The following CCDC148 variants were observed in gnomAD, a reference collection of about 807,000 sequenced individuals.
CCDC148 encodes the protein coiled-coil domain-containing protein 148.
Under a neutral mutation model 85.7 loss-of-function variants are expected in CCDC148, and 89 were observed. The observed-to-expected ratio is 1.04, with a 90% CI of 0.87 to 1.24. The LOEUF (loss-of-function observed/expected upper bound fraction) is 1.24. Ranked by LOEUF, CCDC148 falls within the 50% of genes most tolerant of loss-of-function variation. CCDC148 has a pLI of 0.00. For synonymous variants in CCDC148, 230 were observed against 213.9 expected, an observed-to-expected ratio of 1.08 and a Z score of -0.66; for missense variants, 692 against 671.7, an observed-to-expected ratio of 1.03 and a Z score of -0.33.
intron 11 of CCDC148, among the ~76,000 whole-genome samples, chr2:158,210,806 A>AAT (rs1686529051): frequency 6.7e-6 from 1 of 150,170 alleles, no homozygotes; most frequent in African/African-American, 2.4e-5. Flanking sequence ...AAAAAAAAAA[A>AAT]AAATTAGCCG....
In CCDC148 at chr2:158,366,111, T is replaced by C. The variant is rs377254350; in HGVS notation, c.26-7541A>G. On this transcript the variant is annotated intron_variant, in intron 1 of 13. Coordinates refer to ENST00000283233, the MANE Select transcript of CCDC148 (RefSeq NM_138803.4). Reference sequence around the variant, plus strand: ...AAACGAGAGAACTAAAATTTCATAATATTATTTTATAAATGTTTTTAAAGC... The same window carrying C: ...AAACGAGAGAACTAAAATTTCATAACATTATTTTATAAATGTTTTTAAAGC... 1.5e-5 allele frequency: 21 copies of C among 1,358,864 alleles called. 1 individual carries two copies. In the South Asian group the frequency reaches 2.5e-4, roughly 16 times the overall value. 84.2% of individuals were successfully genotyped at this position (1,358,864 alleles called of 1,614,324 possible). A position where few individuals can be genotyped will look rare whatever the true frequency, so the allele number is the denominator to read the frequency against.
At chr2:158,210,724 A>C (rs1460333069) in intron 11 of CCDC148, among the ~76,000 whole-genome samples, 1 of 149,434 alleles carries the variant, frequency 6.7e-6, no homozygotes, top group Non-Finnish European at 1.5e-5. Flanking sequence ...CAGGCAGATC[A>C]CGAGGTCAGG....
intron 1 of CCDC148, among the ~76,000 whole-genome samples, chr2:158,418,155 C>A (rs1686592548): frequency 6.6e-6 from 1 of 151,754 alleles, no homozygotes; most frequent in South Asian, 2.1e-4. Context: ...AAAGCCTGAG[C>A]TCAAATCCTA....
intron 11 of CCDC148, among the ~76,000 whole-genome samples, chr2:158,196,843 G>A (rs1222156497): frequency 6.6e-6 from 1 of 152,000 alleles, no homozygotes; most frequent in Non-Finnish European, 1.5e-5. Flanking sequence ...GTTCATATCT[G>A]TATGTACTAG....
intron 11 of CCDC148, among the ~76,000 whole-genome samples, chr2:158,181,203 A>T (rs368596632): frequency 3.9e-5 from 6 of 152,190 alleles, no homozygotes; most frequent in African/African-American, 1.4e-4. Flanking sequence ...TGTCTGCAAC[A>T]AAGTTTTTGT....
At chr2:158,362,947 A>C (rs1684027829) in intron 1 of CCDC148, among the ~76,000 whole-genome samples, 1 of 152,206 alleles carries the variant, frequency 6.6e-6, no homozygotes, top group Admixed American at 6.5e-5. Context: ...AAAAGAGAGA[A>C]GAATCAAATA....
intron 10 of CCDC148, among the ~76,000 whole-genome samples, chr2:158,248,413 A>T (rs539882167): frequency 6.6e-6 from 1 of 152,332 alleles, no homozygotes; most frequent in African/African-American, 2.4e-5. Context: ...CTATTTTAAA[A>T]AAATATTTTA....
intron 1 of CCDC148, among the ~76,000 whole-genome samples, chr2:158,402,221 C>A (rs1194444176): frequency 1.3e-5 from 2 of 152,006 alleles, no homozygotes; most frequent in Non-Finnish European, 2.9e-5. Context: ...GGTACAGAAT[C>A]AGTTAAATGG....
intron 10 of CCDC148, among the ~76,000 whole-genome samples, chr2:158,236,350 A>T (rs1361156655): frequency 6.6e-6 from 1 of 152,186 alleles, no homozygotes; most frequent in Non-Finnish European, 1.5e-5. Context: ...TGCCAGGTGG[A>T]TTAAAAAATA....
chr2:158,337,621 G>A (rs576466347), intron 7 of CCDC148, among the ~76,000 whole-genome samples: 1 of 152,216 alleles, frequency 6.6e-6, no homozygotes, highest in South Asian at 2.1e-4. Flanking sequence ...GAGAGAGATG[G>A]GGAAGGAAAG....
At chr2:158,307,313 A>G (rs1364586291) in intron 9 of CCDC148, among the ~76,000 whole-genome samples, 3 of 152,210 alleles carry the variant, frequency 2.0e-5, no homozygotes, top group Non-Finnish European at 2.9e-5. Flanking sequence ...GCTAATAAAC[A>G]TATGAAAAGA....
intron 1 of CCDC148, among the ~76,000 whole-genome samples, chr2:158,438,558 G>C (rs1687778405): frequency 6.6e-6 from 1 of 152,136 alleles, no homozygotes; most frequent in South Asian, 2.1e-4. Flanking sequence ...TCAGGACATA[G>C]GCATGGGCAA....
At chr2:158,403,284 T>A (rs886094576) in intron 1 of CCDC148, among the ~76,000 whole-genome samples, 1 of 152,050 alleles carries the variant, frequency 6.6e-6, no homozygotes, top group Non-Finnish European at 1.5e-5. Context: ...GATGTTGATA[T>A]TTCATAAGAA....
In CCDC148 at chr2:158,277,413, T is replaced by C. The variant is rs183438240; in HGVS notation, c.1111-26501A>G. ...AAATTAAGCTAATGTTTTGTCATAG[T>C]CAAGGAGAATAATGATTGATCTAAA... On this transcript the variant is annotated intron_variant, in intron 9 of 13. Coordinates refer to ENST00000283233, the MANE Select transcript of CCDC148 (RefSeq NM_138803.4). Among the ~76,000 whole-genome samples, 4 of 152,276 alleles carry C rather than the reference T, an allele frequency of 2.6e-5. No individual in the cohort carries two copies. In the East Asian group the frequency reaches 7.7e-4, roughly 29 times the overall value.
chr2:158,357,353 A>T (rs1323154456), intron 2 of CCDC148, among the ~76,000 whole-genome samples: 2 of 152,204 alleles, frequency 1.3e-5, no homozygotes, highest in African/African-American at 4.8e-5. Context: ...TAGTAGGCAC[A>T]TAATAAATAT....
At chr2:158,433,006 G>A (rs1473507875) in intron 1 of CCDC148, among the ~76,000 whole-genome samples, 2 of 148,356 alleles carry the variant, frequency 1.3e-5, no homozygotes, top group Non-Finnish European at 3.0e-5. Context: ...GGGAGGCCAA[G>A]GTGGGTGGAC....
At chr2:158,264,606 G>A (rs745623320) in intron 9 of CCDC148, among the ~76,000 whole-genome samples, 12 of 152,032 alleles carry the variant, frequency 7.9e-5, no homozygotes, top group Non-Finnish European at 1.5e-4. Flanking sequence ...GAAGTGGGGA[G>A]GGGAGGCAAA....
At chr2:158,407,240 C>T (rs1686066659) in intron 1 of CCDC148, among the ~76,000 whole-genome samples, 1 of 152,122 alleles carries the variant, frequency 6.6e-6, no homozygotes, top group Non-Finnish European at 1.5e-5. Flanking sequence ...AAGGGAGGGA[C>T]CAAGGGCATA....
At chr2:158,242,498 A>C (rs1334038952) in intron 10 of CCDC148, among the ~76,000 whole-genome samples, 1 of 152,206 alleles carries the variant, frequency 6.6e-6, no homozygotes, top group East Asian at 1.9e-4. Flanking sequence ...ACAGTTAAGA[A>C]GTGGCAGTGC....
Sources: gnomAD v4.1 joint callset for allele counts (sites outside exome capture counted in the v4.1 genomes callset) on GRCh38, gnomAD v4.1.1 for gene constraint, MANE v1.5 for transcripts, NCBI Gene and HGNC (gene_info 2026-07-23, HGNC 2026-07-21) for gene names.